SGCZ: variants seen among roughly 807,000 people sequenced by gnomAD.
The protein encoded by SGCZ is zeta-sarcoglycan.
A neutral mutation model predicts 41.3 loss-of-function variants in SGCZ; 40 were observed. The observed-to-expected ratio is 0.97, with a 90% CI of 0.75 to 1.26. SGCZ has a LOEUF of 1.26. Ranked by LOEUF, SGCZ falls within the 50% of genes most tolerant of loss-of-function variation. The probability of loss-of-function intolerance (pLI) is 0.00; values close to 1 mark genes in which losing one functional copy is unlikely to be tolerated. For synonymous variants in SGCZ, 206 were observed against 137.5 expected (o/e 1.50, Z -3.49); for missense variants, 552 against 369.8 (o/e 1.49, Z -4.04).
At chr8:15,045,368 A>G (rs1215769222) in intron 1 of SGCZ, among the ~76,000 whole-genome samples, 1 of 152,126 alleles carries the variant, frequency 6.6e-6, no homozygotes, top group African/African-American at 2.4e-5. Context: ...TGGTAAAGCA[A>G]TTAAAATAAT....
At chr8:14,397,270 G>C (rs941525544) in intron 2 of SGCZ, among the ~76,000 whole-genome samples, 1 of 151,994 alleles carries the variant, frequency 6.6e-6, no homozygotes, top group Admixed American at 6.6e-5. Context: ...TAAAAGTTAA[G>C]GATGTTCGAA....
chr8:15,236,506 G>C lies in SGCZ; in HGVS notation c.39+1079C>G, dbSNP rs573689172. Among the ~76,000 whole-genome samples the C allele has an allele frequency of 5.8e-4, 89 of 152,266 alleles. 1 individual carries two copies. Among genetic ancestry groups the C allele is most frequent in the African/African-American group, 2.1e-3 (88 of 41,554 alleles). ...ATCCATCTGAACCTCTGAAATAGTAGAACGTACCAAATGCCTAGGGGTAAA... is the reference window on the plus strand; with the variant it reads ...ATCCATCTGAACCTCTGAAATAGTACAACGTACCAAATGCCTAGGGGTAAA... On this transcript the variant is annotated intron_variant, in intron 1 of 7. Transcript: ENST00000382080.
At chr8:15,218,043 G>A (rs931898311) in intron 1 of SGCZ, among the ~76,000 whole-genome samples, 10 of 152,206 alleles carry the variant, frequency 6.6e-5, no homozygotes, top group African/African-American at 2.4e-4. Flanking sequence ...AAACATACAT[G>A]CAATAAATTC....
At chr8:14,275,193 G>C (rs1800187962) in intron 3 of SGCZ, among the ~76,000 whole-genome samples, 1 of 152,068 alleles carries the variant, frequency 6.6e-6, no homozygotes, top group Non-Finnish European at 1.5e-5. Flanking sequence ...ACATCAAACT[G>C]CAAGTTTTCT....
At chr8:15,122,950 A>T (rs1356363428) in intron 1 of SGCZ, among the ~76,000 whole-genome samples, 2 of 152,204 alleles carry the variant, frequency 1.3e-5, no homozygotes, top group African/African-American at 4.8e-5. Context: ...TGAGCTTTCA[A>T]TGTGAGTCAT....
intron 1 of SGCZ, among the ~76,000 whole-genome samples, chr8:14,723,107 T>C (rs1223532284): frequency 1.3e-5 from 2 of 152,050 alleles, no homozygotes; most frequent in Non-Finnish European, 2.9e-5. Flanking sequence ...AAAAATAAGA[T>C]CACGGGATCC....
At position 14,821,338 on chromosome 8, in the gene SGCZ, T is replaced by C. The variant is rs566408669; in HGVS notation, c.40-266412A>G. On this transcript the variant is annotated intron_variant, in intron 1 of 7. Coordinates refer to ENST00000382080, the MANE Select transcript of SGCZ (RefSeq NM_139167.4). ...TGAGTCAGTAATAAAAATTCTCTCATCAAAGTATAGCCAGGAACATCTGTT... is the reference window on the plus strand; with the variant it reads ...TGAGTCAGTAATAAAAATTCTCTCACCAAAGTATAGCCAGGAACATCTGTT... Among the ~76,000 whole-genome samples, 5 of 152,078 alleles carry C rather than the reference T, an allele frequency of 3.3e-5. No homozygotes were observed. The East Asian group carries it at 9.7e-4, about 29-fold the overall frequency.
chr8:14,111,237 T>A (rs1171587217), intron 5 of SGCZ, among the ~76,000 whole-genome samples: 2 of 152,134 alleles, frequency 1.3e-5, no homozygotes, highest in Non-Finnish European at 2.9e-5. Context: ...TATAGGATAT[T>A]TACAGGGGAT....
At position 14,634,879 on chromosome 8, in the gene SGCZ, A is replaced by G. The variant is rs941268276; in HGVS notation, c.40-79953T>C. Among the ~76,000 whole-genome samples the G allele has an allele frequency of 3.9e-5, 6 of 151,926 alleles. No individual in the cohort carries two copies. In the East Asian group the frequency reaches 1.2e-3, roughly 29 times the overall value. On this transcript the variant is annotated intron_variant, in intron 1 of 7. Transcript: ENST00000382080. The stretch of plus-strand genomic sequence containing the variant: ...CACATTTTTTGAGAGTTATGTATAG[A>G]GACCATCCAAGTATCATAATTTTAT...
At chr8:14,503,023 T>C (rs1477849139) in intron 2 of SGCZ, among the ~76,000 whole-genome samples, 1 of 152,102 alleles carries the variant, frequency 6.6e-6, no homozygotes, top group African/African-American at 2.4e-5. Context: ...CTATTCACAA[T>C]AGCAAAGACT....
intron 4 of SGCZ, among the ~76,000 whole-genome samples, chr8:14,182,541 T>C (rs1804762664): frequency 6.6e-6 from 1 of 152,208 alleles, no homozygotes; most frequent in Non-Finnish European, 1.5e-5. Context: ...TTCTTTGGTC[T>C]CTGCTCCTTC....
chr8:14,269,756 G>C (rs903041650), intron 3 of SGCZ, among the ~76,000 whole-genome samples: 15 of 152,102 alleles, frequency 9.9e-5, no homozygotes, highest in East Asian at 5.8e-4. Flanking sequence ...ATATGAAGAA[G>C]ATGTCAACTG....
rs1019123573 is a variant in SGCZ, at chr8:14,702,978, C to T, written c.40-148052G>A. Among the ~76,000 whole-genome samples the T allele has an allele frequency of 3.9e-4, 56 of 143,106 alleles. 1 individual carries two copies. The highest frequency in any genetic ancestry group is 6.4e-4 in the East Asian group (3 of 4,690). The allele number at this position is 143,106 out of a possible 152,430, so 93.9% of individuals were successfully genotyped here. A position where few individuals can be genotyped will look rare whatever the true frequency, so the allele number is the denominator to read the frequency against. On this transcript the variant is annotated intron_variant, in intron 1 of 7. Coordinates refer to ENST00000382080, the MANE Select transcript of SGCZ (RefSeq NM_139167.4). ...ATAGATAGATAGATAGATAGACAGA[C>T]AGACAGACAGATAGATTTATTTGAA...
At chr8:14,198,479 C>T (rs1351887246) in intron 4 of SGCZ, among the ~76,000 whole-genome samples, 4 of 152,020 alleles carry the variant, frequency 2.6e-5, no homozygotes, top group African/African-American at 4.8e-5. Flanking sequence ...TGTAAAACTA[C>T]CTATTGAATA....
chr8:14,183,584 T>G (rs919254770), intron 4 of SGCZ, among the ~76,000 whole-genome samples: 1 of 152,156 alleles, frequency 6.6e-6, no homozygotes, highest in East Asian at 1.9e-4. Context: ...CCTTGAGAGT[T>G]TGAAAGAGAA....
At chr8:14,911,143 C>A (rs755036627) in intron 1 of SGCZ, among the ~76,000 whole-genome samples, 1 of 152,006 alleles carries the variant, frequency 6.6e-6, no homozygotes, top group Non-Finnish European at 1.5e-5. Flanking sequence ...TTAGTTTTCA[C>A]CTTTTAAGAG....
intron 1 of SGCZ, among the ~76,000 whole-genome samples, chr8:14,672,470 G>T (rs953267239): frequency 7.2e-5 from 11 of 152,088 alleles, no homozygotes; most frequent in African/African-American, 2.4e-4. Context: ...TTAATATTCA[G>T]CCCTGAAGTG....
At chr8:14,475,189 AAT>A (rs1252035106) in intron 2 of SGCZ, among the ~76,000 whole-genome samples, 3 of 152,208 alleles carry the variant, frequency 2.0e-5, no homozygotes, top group African/African-American at 4.8e-5. Flanking sequence ...ATTATATTTC[AAT>A]ATGAGTCTAA....
At chr8:14,520,688 T>G (rs1802762299) in intron 2 of SGCZ, among the ~76,000 whole-genome samples, 2 of 152,076 alleles carry the variant, frequency 1.3e-5, no homozygotes, top group African/African-American at 4.8e-5. Context: ...AAAATAGAAC[T>G]CAGAGTATGC....
Sources: allele counts gnomAD v4.1 joint callset (sites outside exome capture counted in the v4.1 genomes callset), GRCh38; gene constraint gnomAD v4.1.1; transcripts MANE v1.5; gene names NCBI Gene and HGNC (gene_info 2026-07-23, HGNC 2026-07-21).